VAV2: variants seen among roughly 807,000 people sequenced by gnomAD.
VAV2 encodes guanine nucleotide exchange factor VAV2.
In VAV2, 67 loss-of-function variants were observed where a neutral mutation model predicts 132.5. The observed-to-expected ratio is 0.51, with a 90% confidence interval of 0.42 to 0.62. The LOEUF is 0.62. Among genes scored for constraint, VAV2 ranks in the 20% least tolerant of loss-of-function variants. The probability of loss-of-function intolerance (pLI) is 0.00; values close to 1 mark genes in which losing one functional copy is unlikely to be tolerated. For synonymous variants in VAV2, 492 were observed against 443.5 expected (o/e 1.11, Z -1.37); for missense variants, 938 against 1,153.6 (o/e 0.81, Z 2.71).
chr9:133,887,456 A>G (rs1253561114), intron 2 of VAV2, among the ~76,000 whole-genome samples: 2 of 152,122 alleles, frequency 1.3e-5, no homozygotes, highest in Non-Finnish European at 2.9e-5. Flanking sequence ...AAAAACAGCA[A>G]TGGCAGCCCC....
At chr9:133,862,710 ACAC>A (rs1837647275) in intron 2 of VAV2, among the ~76,000 whole-genome samples, 1 of 152,200 alleles carries the variant, frequency 6.6e-6, no homozygotes, top group African/African-American at 2.4e-5. Flanking sequence ...TGTGTGCCGG[ACAC>A]CACACCAGGG....
intron 2 of VAV2, among the ~76,000 whole-genome samples, chr9:133,871,483 T>C (rs1396140956): frequency 2.3e-5 from 3 of 128,812 alleles, no homozygotes; most frequent in South Asian, 2.4e-4. Context: ...GATGGATGGA[T>C]GGATGGATGG....
chr9:133,858,130 C>T (rs1031304188), intron 3 of VAV2, among the ~76,000 whole-genome samples: 4 of 152,200 alleles, frequency 2.6e-5, no homozygotes, highest in Non-Finnish European at 4.4e-5. Context: ...CTCTAAGCCC[C>T]GTAGTGTCTG....
intron 1 of VAV2, among the ~76,000 whole-genome samples, chr9:133,952,160 G>C (rs755557011): frequency 6.6e-6 from 1 of 152,034 alleles, no homozygotes; most frequent in Non-Finnish European, 1.5e-5. Flanking sequence ...TTCAACATAG[G>C]AATTTTGGGG....
chr9:133,831,194 G>A (rs553463223), intron 4 of VAV2, among the ~76,000 whole-genome samples: 1 of 152,286 alleles, frequency 6.6e-6, no homozygotes, highest in Admixed American at 6.5e-5. Context: ...TCAGCACTAT[G>A]GGAGGCCGAG....
intron 5 of VAV2, 110 bp downstream of exon 5, chr9:133,812,004 C>T (rs1167970652): frequency 2.3e-5 from 26 of 1,118,254 alleles, no homozygotes; most frequent in African/African-American, 4.6e-5. Flanking sequence ...CAGAGCAGCT[C>T]CCCTTCGGTG....
At chr9:133,837,472 G>A (rs981950559) in intron 3 of VAV2, among the ~76,000 whole-genome samples, 7 of 152,100 alleles carry the variant, frequency 4.6e-5, no homozygotes, top group Admixed American at 3.3e-4. Flanking sequence ...CGAGGCGGGC[G>A]GATCACCTGA....
At chr9:133,797,446 C>A (rs1161473942) in intron 10 of VAV2, among the ~76,000 whole-genome samples, 1 of 152,178 alleles carries the variant, frequency 6.6e-6, no homozygotes, top group African/African-American at 2.4e-5. Context: ...AGCCAGAGCC[C>A]CCAGCTGAGT....
chr9:133,881,289 C>G (rs1352868641), intron 2 of VAV2, among the ~76,000 whole-genome samples: 2 of 152,264 alleles, frequency 1.3e-5, no homozygotes. Flanking sequence ...TAGCGGAGCG[C>G]AGACGTGGGA....
At chr9:133,895,779 G>A (rs1001996152) in intron 2 of VAV2, among the ~76,000 whole-genome samples, 4 of 152,158 alleles carry the variant, frequency 2.6e-5, no homozygotes, top group African/African-American at 7.2e-5. Flanking sequence ...TCAAACGGGC[G>A]AACCCCATGG....
intron 1 of VAV2, among the ~76,000 whole-genome samples, chr9:133,971,159 C>T (rs917127385): frequency 2.0e-5 from 3 of 152,216 alleles, no homozygotes; most frequent in Admixed American, 6.5e-5. Context: ...AGGCAGAGTC[C>T]GTGTGCCCTC....
intron 2 of VAV2, among the ~76,000 whole-genome samples, chr9:133,869,678 C>T (rs546870315): frequency 1.6e-4 from 25 of 152,266 alleles, no homozygotes; most frequent in Non-Finnish European, 2.2e-4. Flanking sequence ...ATGAGCCATC[C>T]GCCGACCCAG....
At chr9:133,907,520 G>A (rs1839701420) in intron 2 of VAV2, among the ~76,000 whole-genome samples, 1 of 152,214 alleles carries the variant, frequency 6.6e-6, no homozygotes, top group African/African-American at 2.4e-5. Context: ...GCAAACCCAG[G>A]AGACTAGCTC....
rs766939641 is a variant in VAV2, at chr9:133,778,772, G to A, written c.1880C>T (p.Pro627Leu). ...GGCCCCAGGACCCACCTCCCACCACGGAGACTCAGGGTCGCCCCTCAGCAG... is the reference window on the plus strand; with the variant it reads ...GGCCCCAGGACCCACCTCCCACCACAGAGACTCAGGGTCGCCCCTCAGCAG... The part of the protein sequence containing the change: ...LELLRGDPES[P>L]WWEGRLVQTR... Residue 627 changes from proline (P) to leucine (L), a missense_variant, in exon 22 of 30, where the codon CCG (proline) becomes CTG (leucine). Transcript: ENST00000371850. The A allele has an allele frequency of 1.4e-5, 22 of 1,612,538 alleles. No homozygotes were observed. The highest frequency in any genetic ancestry group is 3.3e-5 in the South Asian group (3 of 91,060).
chr9:133,963,335 C>A (rs1475070471), intron 1 of VAV2, among the ~76,000 whole-genome samples: 2 of 152,158 alleles, frequency 1.3e-5, no homozygotes, highest in Non-Finnish European at 2.9e-5. Flanking sequence ...CTGACCAGAA[C>A]CAAGGGAGAG....
At chr9:133,873,946 C>A (rs1838160576) in intron 2 of VAV2, among the ~76,000 whole-genome samples, 1 of 152,246 alleles carries the variant, frequency 6.6e-6, no homozygotes, top group Non-Finnish European at 1.5e-5. Flanking sequence ...GGACAGCTAA[C>A]CACCGTCTAG....
At chr9:133,819,095 T>G (rs1357335599) in intron 4 of VAV2, among the ~76,000 whole-genome samples, 1 of 151,808 alleles carries the variant, frequency 6.6e-6, no homozygotes, top group Non-Finnish European at 1.5e-5. Context: ...GGAACATTCC[T>G]TCACACGGGC....
chr9:133,842,017 G>A (rs1836744954), intron 3 of VAV2, among the ~76,000 whole-genome samples: 1 of 152,162 alleles, frequency 6.6e-6, no homozygotes. Flanking sequence ...GCACCCCACT[G>A]AGCACTTCCT....
chr9:133,953,361 T>G (rs1226539653), intron 1 of VAV2, among the ~76,000 whole-genome samples: 1 of 152,210 alleles, frequency 6.6e-6, no homozygotes, highest in Non-Finnish European at 1.5e-5. Context: ...GGGCACACAA[T>G]GGAATGAATA....
Sources: gnomAD v4.1 joint callset for allele counts (sites outside exome capture counted in the v4.1 genomes callset) on GRCh38, gnomAD v4.1.1 for gene constraint, MANE v1.5 for transcripts, NCBI Gene and HGNC (gene_info 2026-07-23, HGNC 2026-07-21) for gene names.